Variants in HIPK2 observed in about 807,000 individuals in gnomAD.
The protein encoded by HIPK2 is homeodomain interacting protein kinase 2.
In HIPK2, 27 loss-of-function variants were observed where a neutral mutation model predicts 113.7. The ratio of observed to expected loss-of-function variants is 0.24; its 90% CI spans 0.17 to 0.33. The LOEUF is 0.33. Ranked by LOEUF, HIPK2 falls within the 10% of genes least tolerant of loss-of-function variation. The pLI is 1.00. For missense variants in HIPK2, 1,257 were observed against 1,588.0 expected (o/e 0.79, Z 3.54); for synonymous variants, 631 against 642.2 (o/e 0.98, Z 0.26).
At chr7:139,760,476 A>G (rs1482440902) in intron 1 of HIPK2, among the ~76,000 whole-genome samples, 1 of 152,232 alleles carries the variant, frequency 6.6e-6, no homozygotes, top group Non-Finnish European at 1.5e-5. Context: ...TTTAGAACAC[A>G]GTATTTTTAA....
At chr7:139,694,212 G>T (rs148315138) in intron 2 of HIPK2, among the ~76,000 whole-genome samples, 1 of 152,066 alleles carries the variant, frequency 6.6e-6, no homozygotes, top group Non-Finnish European at 1.5e-5. Flanking sequence ...TGAAATAAAC[G>T]GATGAACTTT....
intron 2 of HIPK2, among the ~76,000 whole-genome samples, chr7:139,680,969 T>G (rs999778306): frequency 7.9e-5 from 12 of 152,258 alleles, no homozygotes; most frequent in African/African-American, 2.9e-4. Context: ...GGGTTTCCTG[T>G]GGAGAACATC....
At chr7:139,600,320 C>G in intron 11 of HIPK2, 97 bp downstream of exon 11, 2 of 1,365,820 alleles carry the variant, frequency 1.5e-6, no homozygotes, top group South Asian at 1.4e-5. Flanking sequence ...GCAACTGTCC[C>G]ATGTTCAGAG....
chr7:139,776,078 A>G (rs1161183654), intron 1 of HIPK2, among the ~76,000 whole-genome samples: 1 of 152,222 alleles, frequency 6.6e-6, no homozygotes, highest in Non-Finnish European at 1.5e-5. Flanking sequence ...CTGTAGACGC[A>G]GATGAACAAT....
rs1359517643 is a variant in HIPK2, at chr7:139,630,437, G to A, written c.1347+728C>T. ...TTTTGAGACACAGTCTCACTCTGTC[G>A]CCCAGGCTGGAGTGCAGTGGCACAA... is the stretch of plus-strand genomic sequence containing the variant. On this transcript the variant is annotated intron_variant, in intron 4 of 14. Coordinates refer to ENST00000406875, the MANE Select transcript of HIPK2 (RefSeq NM_022740.5). The surrounding 1 kb of genome is among the most constrained non-coding windows in gnomAD (Gnocchi z 4.0). Among the ~76,000 whole-genome samples the A allele has an allele frequency of 1.3e-5, 2 of 152,030 alleles. No homozygotes were observed. Among genetic ancestry groups the A allele is most frequent in the Admixed American group, 6.6e-5 (1 of 15,264 alleles).
rs564252299 is a variant in HIPK2 at position 139,675,834 on chromosome 7, C to T, written c.1103+40098G>A. 3.3e-5 allele frequency among the ~76,000 whole-genome samples: 5 copies of T among 152,244 alleles called. No homozygotes were observed. The South Asian group carries it at 6.2e-4, about 19-fold the overall frequency. ...AGGAGGTAATACTTGCCAACCCCAA[C>T]GCTTAGATAAGACTCAAAATGATGC... On this transcript the variant is annotated intron_variant, in intron 2 of 14. Transcript: ENST00000406875.
intron 2 of HIPK2, among the ~76,000 whole-genome samples, chr7:139,634,145 CACA>C: frequency 6.6e-6 from 1 of 152,074 alleles, no homozygotes; most frequent in South Asian, 2.1e-4. Context: ...TTCCTTTCCT[CACA>C]ACTAGAGACT....
intron 2 of HIPK2, among the ~76,000 whole-genome samples, chr7:139,658,479 GAATT>G (rs960050718): frequency 2.0e-5 from 3 of 152,214 alleles, no homozygotes; most frequent in African/African-American, 7.2e-5. Flanking sequence ...CAATTCCACT[GAATT>G]ATTTTCAGGG....
intron 2 of HIPK2, among the ~76,000 whole-genome samples, chr7:139,634,674 G>GTTTTTTTAT (rs1800744252): frequency 8.8e-6 from 1 of 113,664 alleles, no homozygotes; most frequent in Non-Finnish European, 1.7e-5. Context: ...TCTGTTTCAG[G>GTTTTTTTAT]TTTTTTTTTT....
rs541307902 is a variant in HIPK2 at position 139,624,084 on chromosome 7, A to T, written c.1619+2517T>A. On this transcript the variant is annotated intron_variant, in intron 6 of 14. Transcript: ENST00000406875. ...GTCGCCCAGGCTGGAGTGCAGTGGCACTATCTCAGCTCACTGCAACCTCCG... is the reference window on the plus strand; with the variant it reads ...GTCGCCCAGGCTGGAGTGCAGTGGCTCTATCTCAGCTCACTGCAACCTCCG... Among the ~76,000 whole-genome samples the T allele has an allele frequency of 8.7e-5, 13 of 149,422 alleles. No individual in the cohort carries two copies. The East Asian group carries it at 2.4e-3, about 27-fold the overall frequency.
At chr7:139,704,106 A>C (rs1180899831) in intron 2 of HIPK2, among the ~76,000 whole-genome samples, 1 of 118,848 alleles carries the variant, frequency 8.4e-6, no homozygotes, top group African/African-American at 3.3e-5. Flanking sequence ...CCCAACATAC[A>C]CACCCAACAC....
chr7:139,605,231 C>T (rs1799579245), intron 9 of HIPK2, among the ~76,000 whole-genome samples: 1 of 145,866 alleles, frequency 6.9e-6, no homozygotes, highest in Admixed American at 6.8e-5. Flanking sequence ...TTGATAGATT[C>T]ACTGGTGTGT....
At chr7:139,640,550 C>T (rs553100049) in intron 2 of HIPK2, among the ~76,000 whole-genome samples, 2 of 152,208 alleles carry the variant, frequency 1.3e-5, no homozygotes, top group Non-Finnish European at 2.9e-5. Context: ...CTTGCAGAGG[C>T]CTGGCATAGA....
chr7:139,681,196 A>G (rs372120531), intron 2 of HIPK2, among the ~76,000 whole-genome samples: 3 of 152,276 alleles, frequency 2.0e-5, no homozygotes, highest in African/African-American at 7.2e-5. Context: ...GCACTTAATC[A>G]CTTGAAAACT....
intron 13 of HIPK2, among the ~76,000 whole-genome samples, chr7:139,580,461 C>T (rs907772078): frequency 2.0e-5 from 3 of 152,276 alleles, no homozygotes; most frequent in Middle Eastern, 6.8e-3. Flanking sequence ...CCTCCTGTGG[C>T]GATGGACAAA....
In HIPK2 at chr7:139,640,187, C is replaced by A. The variant is rs1800960152; in HGVS notation, c.1104-8462G>T. ...CACCTAAGAAAGAGGGGGATAATTT[C>A]TTTCCAACATTCTCATAGGAAGACA... On this transcript the variant is annotated intron_variant, in intron 2 of 14. Coordinates refer to ENST00000406875, the MANE Select transcript of HIPK2 (RefSeq NM_022740.5). 3.9e-5 allele frequency among the ~76,000 whole-genome samples: 6 copies of A among 152,218 alleles called. No individual in the cohort carries two copies. The South Asian group carries it at 1.0e-3, about 26-fold the overall frequency.
At chr7:139,768,687 G>T (rs1362347000) in intron 1 of HIPK2, among the ~76,000 whole-genome samples, 1 of 152,190 alleles carries the variant, frequency 6.6e-6, no homozygotes, top group Non-Finnish European at 1.5e-5. Context: ...ACTGTGGGCT[G>T]CAAGGGGACC....
intron 2 of HIPK2, among the ~76,000 whole-genome samples, chr7:139,671,557 A>C (rs188765645): frequency 6.6e-6 from 1 of 151,590 alleles, no homozygotes; most frequent in East Asian, 1.9e-4. Context: ...TTGAGAATAA[A>C]GTTTTTTTTT....
chr7:139,592,317 A>C (rs1294001846), intron 12 of HIPK2, among the ~76,000 whole-genome samples: 1 of 152,254 alleles, frequency 6.6e-6, no homozygotes, highest in African/African-American at 2.4e-5. Flanking sequence ...TGACCTAAGC[A>C]GAACAACCCA....
Sources: gnomAD v4.1 joint callset for allele counts (sites outside exome capture counted in the v4.1 genomes callset) on GRCh38, gnomAD v4.1.1 for gene constraint, Gnocchi (gnomAD v3.1) non-coding constraint, MANE v1.5 for transcripts, NCBI Gene and HGNC (gene_info 2026-07-23, HGNC 2026-07-21) for gene names.